EYA2: variants seen among roughly 807,000 people sequenced by gnomAD.
EYA2 encodes the protein protein phosphatase EYA2.
EYA2 carries 31 observed loss-of-function variants against 69.2 expected under a neutral mutation model. The observed-to-expected ratio is 0.45, with a 90% CI of 0.34 to 0.60. EYA2 has a LOEUF of 0.60. Ranked by LOEUF, EYA2 falls within the 20% of genes least tolerant of loss-of-function variation. The pLI is 0.02. For missense variants in EYA2, 622 were observed against 701.2 expected (o/e 0.89, Z 1.28); for synonymous variants, 257 against 279.4 (o/e 0.92, Z 0.80).
intron 5 of EYA2, among the ~76,000 whole-genome samples, chr20:47,070,809 T>C (rs1198487599): frequency 6.6e-6 from 1 of 152,224 alleles, no homozygotes; most frequent in Non-Finnish European, 1.5e-5. Context: ...ATGTTGTATA[T>C]ATACCACAAT....
chr20:47,023,632 GTTTTTTTTT>G (rs60939329), intron 5 of EYA2, among the ~76,000 whole-genome samples: 5 of 90,116 alleles, frequency 5.5e-5, no homozygotes, highest in Non-Finnish European at 1.1e-4. Flanking sequence ...GATTTTGGGT[GTTTTTTTTT>G]TTTTTTTTTT....
In EYA2 at chr20:46,945,069, A is replaced by G. The variant is rs1328680845; in HGVS notation, c.-10-44932A>G. Among the ~76,000 whole-genome samples, 4 of 150,810 alleles carry G rather than the reference A, an allele frequency of 2.7e-5. No homozygotes were observed. The East Asian group carries it at 7.8e-4, about 29-fold the overall frequency. On this transcript the variant is annotated intron_variant, in intron 1 of 15. Transcript: ENST00000327619. ...CAGTGAGCCTAGATCAAGCCACTCCACTCCAGCCTGAGTGACAGTCTGGGT... is the reference window on the plus strand; with the variant it reads ...CAGTGAGCCTAGATCAAGCCACTCCGCTCCAGCCTGAGTGACAGTCTGGGT...
Position 47,074,280 on chromosome 20 carries a change from C to T in EYA2, c.606C>T (p.Tyr202=), listed in dbSNP as rs1208921082. ...ICPSPLSTST[Y]VLQEASHNVP... Reference sequence around the variant, plus strand: ...CTTCGCCCCTCTCCACGTCCACCTACGTCCTCCAGGAGGCATCTCACAACG... The same window carrying T: ...CTTCGCCCCTCTCCACGTCCACCTATGTCCTCCAGGAGGCATCTCACAACG... The change falls in exon 7 of 16, where the codon TAC becomes TAT. Residue 202 remains tyrosine, a synonymous_variant. Coordinates refer to ENST00000327619, the MANE Select transcript of EYA2 (RefSeq NM_005244.5). The T allele has an allele frequency of 7.4e-6, 12 of 1,614,038 alleles. No individual in the cohort carries two copies. Among genetic ancestry groups the T allele is most frequent in the Admixed American group, 5.0e-5 (3 of 60,002 alleles).
chr20:47,187,348 CAAA>C (rs1049187315), intron 15 of EYA2, among the ~76,000 whole-genome samples: 1 of 145,526 alleles, frequency 6.9e-6, no homozygotes, highest in Non-Finnish European at 1.5e-5. Flanking sequence ...TAGCCTGTCT[CAAA>C]AGAAAGAAAG....
chr20:47,126,331 G>C (rs901381036), intron 9 of EYA2, among the ~76,000 whole-genome samples: 3 of 152,232 alleles, frequency 2.0e-5, no homozygotes, highest in African/African-American at 7.2e-5. Context: ...CTTGCCGCAA[G>C]CCGCCCATGC....
chr20:47,182,046 T>G (rs6094622), intron 14 of EYA2, among the ~76,000 whole-genome samples: 83,965 of 151,358 alleles, frequency 0.55, 25,201 homozygotes, highest in African/African-American at 0.81. Flanking sequence ...ATGGAGTTTC[T>G]CTCTTGTTGC....
chr20:47,078,323 G>GCA (rs1491188765), intron 7 of EYA2, among the ~76,000 whole-genome samples: 3 of 50,970 alleles, frequency 5.9e-5, no homozygotes, highest in African/African-American at 3.1e-4. Flanking sequence ...GCACGTGCGC[G>GCA]CGCGCGCGCA....
At chr20:46,913,623 A>C (rs1600538366) in intron 1 of EYA2, among the ~76,000 whole-genome samples, 1 of 152,200 alleles carries the variant, frequency 6.6e-6, no homozygotes, top group South Asian at 2.1e-4. Context: ...GGGTGGTGGC[A>C]GTAGGATCAG....
At chr20:46,974,237 G>C (rs1252635893) in intron 1 of EYA2, among the ~76,000 whole-genome samples, 1 of 152,206 alleles carries the variant, frequency 6.6e-6, no homozygotes, top group East Asian at 1.9e-4. Flanking sequence ...ATGGTGGTCA[G>C]AGCTTCATGG....
intron 1 of EYA2, among the ~76,000 whole-genome samples, chr20:46,935,227 G>T (rs537939645): frequency 6.6e-6 from 1 of 152,330 alleles, no homozygotes; most frequent in South Asian, 2.1e-4. Flanking sequence ...GCTCCACCAG[G>T]GCAGCCTGCT....
chr20:46,896,476 G>C (rs1983819965), intron 1 of EYA2, among the ~76,000 whole-genome samples: 1 of 151,188 alleles, frequency 6.6e-6, no homozygotes, highest in Non-Finnish European at 1.5e-5. Context: ...CTTTGTGAAA[G>C]AATCTTTCAC....
At chr20:46,926,724 G>T (rs1445568017) in intron 1 of EYA2, among the ~76,000 whole-genome samples, 1 of 152,152 alleles carries the variant, frequency 6.6e-6, no homozygotes, top group Non-Finnish European at 1.5e-5. Context: ...GGCTGTGGAG[G>T]GTGGTAGGGA....
At chr20:47,045,515 A>G (rs1310422520) in intron 5 of EYA2, among the ~76,000 whole-genome samples, 2 of 152,250 alleles carry the variant, frequency 1.3e-5, no homozygotes, top group Admixed American at 6.5e-5. Flanking sequence ...CTTGACAGCC[A>G]TATTTGAAGG....
At chr20:47,002,352 C>T (rs1982435004) in intron 3 of EYA2, among the ~76,000 whole-genome samples, 1 of 152,158 alleles carries the variant, frequency 6.6e-6, no homozygotes, top group African/African-American at 2.4e-5. Context: ...GATGCTCTCC[C>T]TCTCCCCTAC....
chr20:47,107,448 C>T (rs1252574219), intron 9 of EYA2, among the ~76,000 whole-genome samples: 1 of 151,360 alleles, frequency 6.6e-6, no homozygotes, highest in Non-Finnish European at 1.5e-5. Flanking sequence ...GTTACTTAAA[C>T]CCAGGTGGCA....
At chr20:47,034,206 A>G (rs898054534) in intron 5 of EYA2, among the ~76,000 whole-genome samples, 10 of 152,176 alleles carry the variant, frequency 6.6e-5, no homozygotes, top group African/African-American at 2.2e-4. Context: ...TGTGTTTTGT[A>G]TTTATCATTA....
At chr20:47,005,631 A>T (rs3787266) in intron 4 of EYA2, among the ~76,000 whole-genome samples, 75,159 of 152,162 alleles carry the variant, frequency 0.49, 21,445 homozygotes, top group Non-Finnish European at 0.66. Flanking sequence ...GAACAGGGTG[A>T]TGGAGATAAG....
Position 47,188,578 on chromosome 20 carries a change from G to A in EYA2, c.*445G>A, listed in dbSNP as rs1299277761. On this transcript the variant is annotated 3_prime_UTR_variant, in exon 16 of 16. Transcript: ENST00000327619. Reference sequence around the variant, plus strand: ...TTGGTTTTTTGAACTGGTATGTGGGGTGGTTCACAGTTCTAATGTAAGCAC... The same window carrying A: ...TTGGTTTTTTGAACTGGTATGTGGGATGGTTCACAGTTCTAATGTAAGCAC... The A allele has an allele frequency of 4.7e-6, 2 of 424,244 alleles. No homozygotes were observed. Among genetic ancestry groups the A allele is most frequent in the African/African-American group, 4.0e-5 (2 of 49,814 alleles). The allele number at this position is 424,244 out of a possible 1,614,324, so 26.3% of individuals were successfully genotyped here.
At chr20:47,072,015 G>T in intron 5 of EYA2, 170 bp from the exon 6 acceptor site, 1 of 663,974 alleles carries the variant, frequency 1.5e-6, no homozygotes, top group East Asian at 2.5e-5. Flanking sequence ...AGTCTCACCT[G>T]GGTTGCTTTG....
Sources: allele counts gnomAD v4.1 joint callset (sites outside exome capture counted in the v4.1 genomes callset), GRCh38; gene constraint gnomAD v4.1.1; transcripts MANE v1.5; gene names NCBI Gene and HGNC (gene_info 2026-07-23, HGNC 2026-07-21).